COL5A1: variants seen among roughly 807,000 people sequenced by gnomAD.
COL5A1 encodes collagen alpha-1(V) chain.
A neutral mutation model predicts 263.7 loss-of-function variants in COL5A1; 16 were observed. That is an observed-to-expected ratio of 0.06 (90% confidence interval 0.04 to 0.09). The LOEUF (loss-of-function observed/expected upper bound fraction) is 0.09, where lower values mean the gene tolerates loss of function less well. Among genes scored for constraint, COL5A1 ranks in the 10% least tolerant of loss-of-function variants. COL5A1 has a pLI of 1.00. For missense variants in COL5A1, 2,036 were observed against 2,540.5 expected (o/e 0.80, Z 4.27); for synonymous variants, 1,012 against 1,004.5 (o/e 1.01, Z -0.14).
Position 134,796,837 on chromosome 9 carries a change from T to C in COL5A1, c.2845-11T>C, listed in dbSNP as rs769433136. On this transcript the variant is annotated splice_polypyrimidine_tract_variant and intron_variant, in intron 35 of 65. Transcript: ENST00000371817. ...CCTCTTGTCCTCAAACTGGCCTTTCTCTGTTCCCAGGGACCCAATGGACCC... is the reference window on the plus strand; with the variant it reads ...CCTCTTGTCCTCAAACTGGCCTTTCCCTGTTCCCAGGGACCCAATGGACCC... 3.1e-6 allele frequency: 5 copies of C among 1,614,112 alleles called. No homozygotes were observed. Among genetic ancestry groups the C allele is most frequent in the Admixed American group, 3.3e-5 (2 of 60,032 alleles).
intron 11 of COL5A1, among the ~76,000 whole-genome samples, chr9:134,744,527 A>C (rs1340062091): frequency 6.6e-6 from 1 of 150,758 alleles, no homozygotes; most frequent in Non-Finnish European, 1.5e-5. Flanking sequence ...ACCCCCATAC[A>C]TGCACACTCA....
At chr9:134,753,945 C>G (rs115858047) in intron 15 of COL5A1, 42 bp downstream of exon 15, 3 of 1,556,214 alleles carry the variant, frequency 1.9e-6, no homozygotes, top group South Asian at 2.2e-5. Context: ...GGGCGCCTCC[C>G]GTTCTCCGGC....
chr9:134,746,951 A>G (rs991599595), intron 11 of COL5A1, among the ~76,000 whole-genome samples: 4 of 152,180 alleles, frequency 2.6e-5, no homozygotes, highest in Admixed American at 2.6e-4. Flanking sequence ...TGAAAATTGG[A>G]AATGTGACTT....
chr9:134,707,746 C>T (rs1039667452), intron 4 of COL5A1, among the ~76,000 whole-genome samples: 3 of 152,210 alleles, frequency 2.0e-5, no homozygotes, highest in Admixed American at 6.5e-5. Flanking sequence ...GGCTTGCTGA[C>T]GGCTGCCTGG....
Position 134,700,390 on chromosome 9 carries a change from T to A in COL5A1, c.491+268T>A, listed in dbSNP as rs540490536. Among the ~76,000 whole-genome samples, 1 of 152,274 alleles carries A rather than the reference T, an allele frequency of 6.6e-6. No individual in the cohort carries two copies. The highest frequency in any genetic ancestry group is 6.5e-5 in the Admixed American group (1 of 15,304). On this transcript the variant is annotated intron_variant, in intron 3 of 65. Transcript: ENST00000371817. This position sits in a 1 kb window ranked among gnomAD's most constrained non-coding sequence, Gnocchi z 4.0. ...TAAAGTGCACTAAAGCACATCAAATTCCCGCCTGTTTGTGTCAGAAGGGAC... is the reference window on the plus strand; with the variant it reads ...TAAAGTGCACTAAAGCACATCAAATACCCGCCTGTTTGTGTCAGAAGGGAC...
At chr9:134,748,295 A>G (rs1487205118) in intron 11 of COL5A1, among the ~76,000 whole-genome samples, 2 of 151,796 alleles carry the variant, frequency 1.3e-5, no homozygotes, top group African/African-American at 2.4e-5. Flanking sequence ...ATGCACATGC[A>G]CACACACATG....
chr9:134,724,888 G>A (rs1232691182), intron 4 of COL5A1, among the ~76,000 whole-genome samples: 1 of 152,108 alleles, frequency 6.6e-6, no homozygotes, highest in East Asian at 1.9e-4. Flanking sequence ...AGGCTCGGGT[G>A]AACCAGGCTC....
In COL5A1 at chr9:134,812,294, C is replaced by T. The variant is rs75938430; in HGVS notation, c.3691-155C>T. On this transcript the variant is annotated intron_variant, in intron 46 of 65. Coordinates refer to ENST00000371817, the MANE Select transcript of COL5A1 (RefSeq NM_000093.5). ...GGGCCGATTCTGAGACTGGGAACCC[C>T]GGGACGTCCTCGTGGGTAGCTATGC... Among the ~76,000 whole-genome samples the T allele has an allele frequency of 6.7e-3, 1,021 of 152,310 alleles. 19 individuals carry two copies. The East Asian group carries it at 0.089, about 13-fold the overall frequency.
Position 134,641,971 on chromosome 9 carries a change from GC to G in COL5A1, c.-215del. On this transcript the variant is annotated 5_prime_UTR_variant, in exon 1 of 66. Transcript: ENST00000371817. Reference sequence around the variant, plus strand: ...CAGCGGGGTCCCGGCCGCCCCGCGGGCCAAAGTCGAGCCCTCCCGCCCGTGG... The same window carrying G: ...CAGCGGGGTCCCGGCCGCCCCGCGGGCAAAGTCGAGCCCTCCCGCCCGTGG... The G allele has an allele frequency of 2.5e-6, 1 of 406,856 alleles. No individual in the cohort carries two copies. 25.2% of individuals were successfully genotyped at this position (406,856 alleles called of 1,614,324 possible).
In COL5A1 at chr9:134,647,660, G is replaced by A. The variant is rs1831519371; in HGVS notation, c.109+5364G>A. Among the ~76,000 whole-genome samples the A allele has an allele frequency of 6.6e-6, 1 of 152,212 alleles. No individual in the cohort carries two copies. On this transcript the variant is annotated intron_variant, in intron 1 of 65. Transcript: ENST00000371817. This position sits in a 1 kb window ranked among gnomAD's most constrained non-coding sequence, Gnocchi z 5.0. ...AGGAGATGGCACGTGGAACCTGCCGGTTGAGCGTGAGGCTGTGGGTTCTGC... is the reference window on the plus strand; with the variant it reads ...AGGAGATGGCACGTGGAACCTGCCGATTGAGCGTGAGGCTGTGGGTTCTGC...
intron 39 of COL5A1, among the ~76,000 whole-genome samples, chr9:134,804,004 G>A (rs1483513018): frequency 2.2e-4 from 33 of 152,136 alleles, no homozygotes; most frequent in Non-Finnish European, 2.9e-5. Flanking sequence ...AACTTGCTGT[G>A]TTAGCACAAA....
At position 134,738,762 on chromosome 9, in the gene COL5A1, C is replaced by T. The variant is rs1370266001; in HGVS notation, c.1448C>T (p.Pro483Leu). ...PEGPAGLPGPPGTMGPTGQVG... is the reference protein window; with the variant it reads ...PEGPAGLPGPLGTMGPTGQVG... Reference sequence around the variant, plus strand: ...TAATTCTAGGGTCTTCCCGGACCTCCAGGAACCATGGGTCCCACTGGCCAA... The same window carrying T: ...TAATTCTAGGGTCTTCCCGGACCTCTAGGAACCATGGGTCCCACTGGCCAA... The change falls in exon 11 of 66, where the codon CCA becomes CTA. Residue 483 changes from proline to leucine, a missense_variant. By Grantham distance (98) the Pro-to-Leu change is moderately conservative. Coordinates refer to ENST00000371817, the MANE Select transcript of COL5A1 (RefSeq NM_000093.5). 1 of 1,613,606 alleles carries T rather than the reference C, an allele frequency of 6.2e-7. No individual in the cohort carries two copies. The highest frequency in any genetic ancestry group is 1.3e-5 in the African/African-American group (1 of 75,002).
chr9:134,719,715 AG>A (rs1320423676), intron 4 of COL5A1, among the ~76,000 whole-genome samples: 3 of 152,206 alleles, frequency 2.0e-5, no homozygotes, highest in African/African-American at 7.2e-5. Context: ...TTCCAGGGCA[AG>A]GGGGCGGCTC....
At chr9:134,816,076 A>G (rs1838732599) in intron 52 of COL5A1, 88 bp downstream of exon 52, 2 of 1,274,402 alleles carry the variant, frequency 1.6e-6, no homozygotes. Flanking sequence ...TTCTGGGAAA[A>G]ACTCCAACCT....
intron 36 of COL5A1, 149 bp from the exon 37 acceptor site, chr9:134,798,259 T>C: frequency 4.0e-6 from 3 of 754,234 alleles, no homozygotes; most frequent in South Asian, 2.9e-5. Flanking sequence ...GTTGTCACTG[T>C]CCCCGTGCCT....
chr9:134,829,516 GGGCTGGGGCCA>G (rs1304417888), intron 63 of COL5A1, among the ~76,000 whole-genome samples: 2 of 148,336 alleles, frequency 1.3e-5, no homozygotes, highest in African/African-American at 2.5e-5. Context: ...GTCTCCCCGA[GGGCTGGGGCCA>G]GGCTCCTCCT....
chr9:134,809,958 G>T (rs1160906894), intron 43 of COL5A1, among the ~76,000 whole-genome samples: 1 of 152,156 alleles, frequency 6.6e-6, no homozygotes, highest in Non-Finnish European at 1.5e-5. Flanking sequence ...CTGTTGTTAG[G>T]TTGTCATGGT....
intron 11 of COL5A1, among the ~76,000 whole-genome samples, chr9:134,748,454 G>A (rs1266823717): frequency 2.6e-5 from 4 of 152,194 alleles, no homozygotes; most frequent in Non-Finnish European, 5.9e-5. Flanking sequence ...ACAGACAGCA[G>A]CTTGTCCTTG....
chr9:134,759,415 C>A (rs979217393), intron 18 of COL5A1, among the ~76,000 whole-genome samples: 8 of 130,168 alleles, frequency 6.1e-5, no homozygotes, highest in Middle Eastern at 4.3e-3. Flanking sequence ...CCACACACAC[C>A]CACACTCATA....
Sources: gnomAD v4.1 joint callset for allele counts (sites outside exome capture counted in the v4.1 genomes callset) on GRCh38, gnomAD v4.1.1 for gene constraint, Gnocchi (gnomAD v3.1) non-coding constraint, MANE v1.5 for transcripts, NCBI Gene and HGNC (gene_info 2026-07-23, HGNC 2026-07-21) for gene names.